DLG2: variants seen among roughly 807,000 people sequenced by gnomAD.
DLG2 encodes discs large MAGUK scaffold protein 2.
A neutral mutation model predicts 132.5 loss-of-function variants in DLG2; 45 were observed. The observed-to-expected ratio is 0.34, with a 90% CI of 0.27 to 0.44. DLG2 has a LOEUF of 0.44. Among genes scored for constraint, DLG2 ranks in the 20% least tolerant of loss-of-function variants. The pLI, the probability that DLG2 is intolerant of heterozygous loss-of-function variation, is 1.00. For synonymous variants in DLG2, 424 were observed against 419.6 expected (o/e 1.01, Z -0.13); for missense variants, 1,045 against 1,196.9 (o/e 0.87, Z 1.87).
chr11:83,962,545 C>A (rs11233863), intron 14 of DLG2, among the ~76,000 whole-genome samples: 20,542 of 152,082 alleles, frequency 0.14, 1,737 homozygotes, highest in African/African-American at 0.22. Context: ...CATGCTACTT[C>A]CTTCCTTTTG....
chr11:83,937,022 C>T (rs1266556146), intron 14 of DLG2, among the ~76,000 whole-genome samples: 1 of 152,130 alleles, frequency 6.6e-6, no homozygotes, highest in African/African-American at 2.4e-5. Flanking sequence ...AGTGTTTAAA[C>T]TCTTACACTT....
chr11:85,396,817 G>C lies in DLG2; in HGVS notation c.41-111452C>G, dbSNP rs116571839. On this transcript the variant is annotated intron_variant, in intron 3 of 27. Transcript: ENST00000376104. ...ATATGTTTGATTGGTGTACTGGAAA[G>C]TGATGCGGAGAATTGAACCAAGTTA... Among the ~76,000 whole-genome samples the C allele has an allele frequency of 4.8e-3, 725 of 152,338 alleles. 2 individuals are homozygous for C. The highest frequency in any genetic ancestry group is 0.016 in the African/African-American group (658 of 41,570).
At chr11:84,925,041 G>A (rs191452308) in intron 6 of DLG2, among the ~76,000 whole-genome samples, 1 of 152,210 alleles carries the variant, frequency 6.6e-6, no homozygotes, top group East Asian at 1.9e-4. Context: ...AAACATAGAA[G>A]AACTTAAAAA....
intron 21 of DLG2, among the ~76,000 whole-genome samples, chr11:83,512,866 C>T (rs1218432272): frequency 1.3e-5 from 2 of 152,144 alleles, no homozygotes; most frequent in Non-Finnish European, 2.9e-5. Flanking sequence ...ATGAACTCAT[C>T]ATTTTTATGG....
chr11:83,972,175 C>T (rs2091461015), intron 12 of DLG2, among the ~76,000 whole-genome samples: 1 of 152,064 alleles, frequency 6.6e-6, no homozygotes, highest in Admixed American at 6.6e-5. Flanking sequence ...CTTGCTGTTT[C>T]TAGAAACGAA....
chr11:85,108,121 C>G (rs1292978359), intron 6 of DLG2, among the ~76,000 whole-genome samples: 1 of 151,670 alleles, frequency 6.6e-6, no homozygotes, highest in Non-Finnish European at 1.5e-5. Context: ...CTGGAGGAGC[C>G]AGAAATCAAA....
chr11:83,877,931 G>A (rs1039389445), intron 15 of DLG2, among the ~76,000 whole-genome samples: 4 of 152,136 alleles, frequency 2.6e-5, no homozygotes, highest in Admixed American at 6.6e-5. Context: ...AGGTTCTATC[G>A]TTTCCACATT....
chr11:84,696,222 T>C (rs17147512), intron 6 of DLG2, among the ~76,000 whole-genome samples: 3,786 of 151,658 alleles, frequency 0.025, 167 homozygotes, highest in African/African-American at 0.088. Context: ...ATGCTACTTA[T>C]TATAATTACT....
chr11:85,379,245 T>C (rs566494360), intron 3 of DLG2, among the ~76,000 whole-genome samples: 1 of 152,310 alleles, frequency 6.6e-6, no homozygotes, highest in East Asian at 1.9e-4. Context: ...TCCCTAGCTC[T>C]GTCCCTTGCT....
At chr11:84,418,719 G>A (rs901668707) in intron 7 of DLG2, among the ~76,000 whole-genome samples, 3 of 152,080 alleles carry the variant, frequency 2.0e-5, no homozygotes, top group Non-Finnish European at 4.4e-5. Flanking sequence ...AGATGCAACT[G>A]TTAGTTCCCT....
intron 3 of DLG2, among the ~76,000 whole-genome samples, chr11:85,549,485 A>C (rs2076536206): frequency 6.6e-6 from 1 of 152,200 alleles, no homozygotes; most frequent in Admixed American, 6.5e-5. Flanking sequence ...ATATTTCCCA[A>C]TACAATTGTA....
chr11:85,096,045 A>C (rs940752356), intron 6 of DLG2, among the ~76,000 whole-genome samples: 2 of 152,162 alleles, frequency 1.3e-5, no homozygotes, highest in Non-Finnish European at 2.9e-5. Context: ...TGTCTAGCTA[A>C]ATGATTGTAA....
intron 3 of DLG2, among the ~76,000 whole-genome samples, chr11:85,387,136 C>T (rs1442380040): frequency 6.6e-6 from 1 of 152,100 alleles, no homozygotes; most frequent in Non-Finnish European, 1.5e-5. Context: ...GATCCACCTG[C>T]CTCAGACTCC....
At chr11:85,310,400 T>G (rs1249300222) in intron 3 of DLG2, among the ~76,000 whole-genome samples, 1 of 152,210 alleles carries the variant, frequency 6.6e-6, no homozygotes, top group Non-Finnish European at 1.5e-5. Context: ...TTTTTGAAGT[T>G]AATCTCCATT....
At chr11:84,014,852 T>C (rs1165720871) in intron 11 of DLG2, among the ~76,000 whole-genome samples, 1 of 151,886 alleles carries the variant, frequency 6.6e-6, no homozygotes, top group Non-Finnish European at 1.5e-5. Flanking sequence ...TTTTTTTCTG[T>C]ATAATTAGTT....
chr11:83,740,901 C>T (rs529057366), intron 18 of DLG2, among the ~76,000 whole-genome samples: 1 of 152,166 alleles, frequency 6.6e-6, no homozygotes, highest in South Asian at 2.1e-4. Context: ...GCACAAAAAT[C>T]CTCAACAAAA....
Position 84,251,637 on chromosome 11 carries a change from C to CTTTTTTTTTTTTTTTTTT in DLG2, c.520-347_520-346insAAAAAAAAAAAAAAAAAA, listed in dbSNP as rs369651884. 2.3e-5 allele frequency among the ~76,000 whole-genome samples: 3 copies of CTTTTTTTTTTTTTTTTTT among 130,040 alleles called. 1 individual carries two copies. The highest frequency in any genetic ancestry group is 3.2e-5 in the Non-Finnish European group (2 of 62,522). 85.3% of individuals were successfully genotyped at this position (130,040 alleles called of 152,430 possible). On this transcript the variant is annotated intron_variant, in intron 7 of 27. Transcript: ENST00000376104. ...GTAAGAGTTAAAACTTGTATCTTTTCTTTCTTTTTTTTTTTTTTTTGTGAG... is the reference window on the plus strand; with the variant it reads ...GTAAGAGTTAAAACTTGTATCTTTTCTTTTTTTTTTTTTTTTTTTTTCTTTTTTTTTTTTTTTTGTGAG...
intron 14 of DLG2, among the ~76,000 whole-genome samples, chr11:83,930,761 A>G (rs1294360581): frequency 6.6e-6 from 1 of 152,222 alleles, no homozygotes; most frequent in Non-Finnish European, 1.5e-5. Flanking sequence ...GCTGCTTATA[A>G]GGAAGCTCGT....
Position 83,459,808 on chromosome 11 carries a change from A to G in DLG2, c.*10T>C, listed in dbSNP as rs1482061713. ...GCTCTTCTGTCGTTGTCAGAGGCGC[A>G]GTAGCTAATTTATAACTTTTCCTTT... On this transcript the variant is annotated 3_prime_UTR_variant, in exon 28 of 28. Coordinates refer to ENST00000376104, the MANE Select transcript of DLG2 (RefSeq NM_001142699.3). The G allele has an allele frequency of 1.4e-6, 2 of 1,465,172 alleles. No individual in the cohort carries two copies. Among genetic ancestry groups the G allele is most frequent in the East Asian group, 2.3e-5 (1 of 44,194 alleles). The allele number at this position is 1,465,172 out of a possible 1,614,324, so 90.8% of individuals were successfully genotyped here. A position where few individuals can be genotyped will look rare whatever the true frequency, so the allele number is the denominator to read the frequency against.
Sources: allele counts gnomAD v4.1 joint callset (sites outside exome capture counted in the v4.1 genomes callset), GRCh38; gene constraint gnomAD v4.1.1; transcripts MANE v1.5; gene names NCBI Gene and HGNC (gene_info 2026-07-23, HGNC 2026-07-21).